HERC3: variants seen among roughly 807,000 people sequenced by gnomAD.
The protein encoded by HERC3 is probable E3 ubiquitin-protein ligase HERC3.
Under a neutral mutation model 129.9 loss-of-function variants are expected in HERC3, and 58 were observed. The observed-to-expected ratio is 0.45, with a 90% CI of 0.36 to 0.56. HERC3 has a LOEUF of 0.56. HERC3 is among the 20% of genes least tolerant of loss of function. The probability of loss-of-function intolerance (pLI) is 0.00; values close to 1 mark genes in which losing one functional copy is unlikely to be tolerated. For missense variants in HERC3, 835 were observed against 1,244.2 expected, an observed-to-expected ratio of 0.67 and a Z score of 4.95; for synonymous variants, 430 against 451.0, an observed-to-expected ratio of 0.95 and a Z score of 0.59.
At chr4:88,539,108 G>T in the HERC3 span, among the ~76,000 whole-genome samples, 1 of 152,214 alleles carries the variant, frequency 6.6e-6, no homozygotes, top group Non-Finnish European at 1.5e-5. Context: ...AGCCAAAGCA[G>T]TGTGGGGCAT....
chr4:88,579,219 T>TAAAAAAAAAA, the HERC3 span, among the ~76,000 whole-genome samples: 1 of 117,078 alleles, frequency 8.5e-6, no homozygotes, highest in Non-Finnish European at 1.6e-5. Context: ...CTGTCTCTAC[T>TAAAAAAAAAA]AAAAAAAAAA....
intron 23 of HERC3, chr4:88,697,651 C>G (rs768813024): frequency 3.7e-6 from 6 of 1,613,558 alleles, no homozygotes; most frequent in Admixed American, 1.7e-5. Context: ...GTCACAGTCT[C>G]CACCCTGCGC....
At chr4:88,665,511 C>T (rs1348102562) in intron 12 of HERC3, among the ~76,000 whole-genome samples, 2 of 152,194 alleles carry the variant, frequency 1.3e-5, no homozygotes, top group African/African-American at 4.8e-5. Context: ...TCTGGGCTTT[C>T]AGCTGACTGG....
chr4:88,700,002 G>A lies in HERC3; in HGVS notation c.2658-4096G>A, dbSNP rs145826247. 8.0e-4 allele frequency among the ~76,000 whole-genome samples: 121 copies of A among 152,058 alleles called. No individual in the cohort carries two copies. In the East Asian group the frequency reaches 0.023, roughly 29 times the overall value. ...CTTCCCCAGCATCCAGCCCTGGTGA[G>A]CACTGTGCTGTTCTCTGTCTCAGTA... On this transcript the variant is annotated intron_variant, in intron 23 of 25. Transcript: ENST00000402738.
chr4:88,697,868 A>G, intron 23 of HERC3: 1 of 1,438,194 alleles, frequency 7.0e-7, no homozygotes, highest in East Asian at 2.4e-5. Flanking sequence ...GGCCGCGGGA[A>G]TGACGTTGGC....
chr4:88,626,245 T>C (rs1726082864), intron 3 of HERC3, among the ~76,000 whole-genome samples: 2 of 152,092 alleles, frequency 1.3e-5, no homozygotes, highest in South Asian at 4.1e-4. Flanking sequence ...ACAAGATCTC[T>C]CAAAAGTCCA....
At chr4:88,609,750 G>A (rs1261132446) in intron 3 of HERC3, among the ~76,000 whole-genome samples, 2 of 152,084 alleles carry the variant, frequency 1.3e-5, no homozygotes. Flanking sequence ...CCCAAGAGAG[G>A]GTTCTTGGCT....
intron 16 of HERC3, among the ~76,000 whole-genome samples, 187 bp downstream of exon 16, chr4:88,670,439 G>A (rs1412838208): frequency 5.3e-5 from 8 of 152,132 alleles, no homozygotes; most frequent in Non-Finnish European, 1.0e-4. Context: ...TCATAAATGA[G>A]TAGTCACCCA....
chr4:88,538,745 G>C, the HERC3 span, among the ~76,000 whole-genome samples: 1 of 151,812 alleles, frequency 6.6e-6, no homozygotes, highest in African/African-American at 2.4e-5. Flanking sequence ...GGGTTTCACC[G>C]TGTTAGCCAG....
chr4:88,534,885 G>T, the HERC3 span, among the ~76,000 whole-genome samples: 1 of 152,162 alleles, frequency 6.6e-6, no homozygotes, highest in East Asian at 1.9e-4. Flanking sequence ...AGTCCATAGT[G>T]TAAAAGGAAA....
intron 2 of HERC3, among the ~76,000 whole-genome samples, chr4:88,598,987 G>A (rs536663633): frequency 2.0e-5 from 3 of 152,148 alleles, no homozygotes; most frequent in Non-Finnish European, 2.9e-5. Context: ...ATTTTGCAGC[G>A]AATTTCATAA....
chr4:88,539,976 T>C, the HERC3 span, among the ~76,000 whole-genome samples: 3 of 152,060 alleles, frequency 2.0e-5, no homozygotes, highest in South Asian at 6.2e-4. Flanking sequence ...ACCACAAAAA[T>C]GGGGAGAAAC....
intron 23 of HERC3, among the ~76,000 whole-genome samples, chr4:88,692,579 A>G (rs1467236389): frequency 2.6e-5 from 4 of 152,184 alleles, no homozygotes; most frequent in African/African-American, 9.7e-5. Context: ...AGTCTTTAAG[A>G]TCTGCATTGT....
At chr4:88,698,902 A>C (rs1578347265) in intron 23 of HERC3, among the ~76,000 whole-genome samples, 3 of 85,750 alleles carry the variant, frequency 3.5e-5, no homozygotes, top group African/African-American at 1.0e-4. Context: ...CACCCTCCTT[A>C]CCCTCTTCTT....
At chr4:88,683,366 A>T (rs946005875) in intron 21 of HERC3, among the ~76,000 whole-genome samples, 28 of 152,178 alleles carry the variant, frequency 1.8e-4, no homozygotes, top group Admixed American at 1.0e-3. Flanking sequence ...ATACTGAGAA[A>T]CTATAAAGGA....
chr4:88,689,297 A>C (rs1254056143), intron 23 of HERC3, among the ~76,000 whole-genome samples: 1 of 151,700 alleles, frequency 6.6e-6, no homozygotes, highest in Non-Finnish European at 1.5e-5. Context: ...TTGAGCTCAG[A>C]AGTTCAAGAC....
At chr4:88,550,031 C>A in the HERC3 span, among the ~76,000 whole-genome samples, 4 of 152,060 alleles carry the variant, frequency 2.6e-5, no homozygotes, top group African/African-American at 9.7e-5. Context: ...TGGGGTATGA[C>A]CTTATAAGGG....
chr4:88,655,208 G>C lies in HERC3; in HGVS notation c.812G>C (p.Cys271Ser). ...GGVFTFGAGS[C>S]GQLGHDSMND... is the part of the protein sequence containing the mutation. ...GTGTTTACCTTTGGCGCTGGTTCCT[G>C]TGGGCAACTTGGACACGACTCCATG... Residue 271 changes from cysteine to serine, a missense_variant, in exon 8 of 26, where the codon TGT (cysteine) becomes TCT (serine). Cys to Ser is a moderately radical substitution (Grantham distance 112, BLOSUM62 -1). Transcript: ENST00000402738. 6 of 1,613,940 alleles carry C rather than the reference G, an allele frequency of 3.7e-6. No homozygotes were observed. Among genetic ancestry groups the C allele is most frequent in the Non-Finnish European group, 5.1e-6 (6 of 1,179,886 alleles).
At chr4:88,651,978 A>G (rs1206011057) in intron 4 of HERC3, 34 bp from the exon 5 acceptor site, 6 of 1,341,650 alleles carry the variant, frequency 4.5e-6, no homozygotes, top group South Asian at 1.2e-5. Flanking sequence ...GTGTGTGAAT[A>G]TCTATCTGAA....
Sources: allele counts gnomAD v4.1 joint callset (sites outside exome capture counted in the v4.1 genomes callset), GRCh38; gene constraint gnomAD v4.1.1; transcripts MANE v1.5; gene names NCBI Gene and HGNC (gene_info 2026-07-23, HGNC 2026-07-21).